TTLL5: variants seen among roughly 807,000 people sequenced by gnomAD.
The protein encoded by TTLL5 is tubulin tyrosine ligase like 5.
TTLL5 carries 132 observed loss-of-function variants against 168.4 expected under a neutral mutation model. The ratio of observed to expected loss-of-function variants is 0.78; its 90% CI spans 0.68 to 0.91. The LOEUF is 0.91. Ranked by LOEUF, TTLL5 falls within the 40% of genes least tolerant of loss-of-function variation. TTLL5 has a pLI of 0.00. For missense variants in TTLL5, 1,545 were observed against 1,581.5 expected, an observed-to-expected ratio of 0.98 and a Z score of 0.39; for synonymous variants, 546 against 558.6, an observed-to-expected ratio of 0.98 and a Z score of 0.32.
intron 26 of TTLL5, among the ~76,000 whole-genome samples, chr14:75,791,372 A>ATTCC: frequency 6.6e-6 from 1 of 152,182 alleles, no homozygotes; most frequent in Non-Finnish European, 1.5e-5. Flanking sequence ...AGGAAAATGA[A>ATTCC]TGACTTTCAG....
chr14:75,741,254 G>T (rs1223336364), intron 15 of TTLL5, among the ~76,000 whole-genome samples: 2 of 152,178 alleles, frequency 1.3e-5, no homozygotes, highest in African/African-American at 4.8e-5. Flanking sequence ...CAGAATTCTT[G>T]ACAGTAATTT....
At chr14:75,911,247 G>A (rs937470729) in intron 31 of TTLL5, among the ~76,000 whole-genome samples, 1 of 151,960 alleles carries the variant, frequency 6.6e-6, no homozygotes, top group African/African-American at 2.4e-5. Context: ...TGGCCCGGCT[G>A]GCCTCGAACT....
At chr14:75,949,920 A>G (rs889028031) in intron 31 of TTLL5, among the ~76,000 whole-genome samples, 3 of 151,936 alleles carry the variant, frequency 2.0e-5, no homozygotes, top group African/African-American at 7.3e-5. Context: ...TGATTTGTAT[A>G]TTTGAGAGGG....
At chr14:75,936,318 G>A (rs149195149) in intron 31 of TTLL5, among the ~76,000 whole-genome samples, 1 of 152,144 alleles carries the variant, frequency 6.6e-6, no homozygotes, top group South Asian at 2.1e-4. Context: ...AGATTAGAAT[G>A]GCCCTTGTCC....
intron 29 of TTLL5, among the ~76,000 whole-genome samples, chr14:75,864,415 T>TACAC (rs930513680): frequency 7.0e-4 from 106 of 152,312 alleles, no homozygotes; most frequent in African/African-American, 2.3e-3. Flanking sequence ...TTCTACTGTG[T>TACAC]ACTAGGCACT....
intron 28 of TTLL5, among the ~76,000 whole-genome samples, chr14:75,831,502 T>A (rs1003784695): frequency 3.3e-5 from 5 of 152,158 alleles, no homozygotes; most frequent in Non-Finnish European, 7.4e-5. Context: ...ACCCTCCCTC[T>A]ACTGCCCACA....
At chr14:75,760,187 T>C (rs1364277541) in intron 18 of TTLL5, among the ~76,000 whole-genome samples, 1 of 152,122 alleles carries the variant, frequency 6.6e-6, no homozygotes, top group East Asian at 1.9e-4. Flanking sequence ...GATTGTATCT[T>C]AATGTACTAG....
rs577254452 is a variant in TTLL5 at position 75,947,474 on chromosome 14, G to C, written c.3824-6950G>C. On this transcript the variant is annotated intron_variant, in intron 31 of 31. Transcript: ENST00000298832. ...TTTTCTCGTCAACTTACTTTAACTA[G>C]TATATTTAATGTTTTTTTCATTTAA... 3.5e-4 allele frequency among the ~76,000 whole-genome samples: 53 copies of C among 152,082 alleles called. No homozygotes were observed. The South Asian group carries it at 5.0e-3, about 14-fold the overall frequency.
chr14:75,843,975 C>T (rs1037887262), intron 28 of TTLL5, among the ~76,000 whole-genome samples: 7 of 151,612 alleles, frequency 4.6e-5, no homozygotes, highest in Non-Finnish European at 7.4e-5. Context: ...CTCACTGCAA[C>T]CACACCTCCC....
At chr14:75,680,972 C>G (rs1884565799) in intron 3 of TTLL5, among the ~76,000 whole-genome samples, 1 of 151,970 alleles carries the variant, frequency 6.6e-6, no homozygotes, top group Non-Finnish European at 1.5e-5. Context: ...ATCCCTTTGG[C>G]AGTCTGGAGA....
In TTLL5 at chr14:75,775,471, CT is replaced by C. The variant is rs1566599004; in HGVS notation, c.2137-10del. 2 of 1,611,790 alleles carry C rather than the reference CT, an allele frequency of 1.2e-6. No homozygotes were observed. The highest frequency in any genetic ancestry group is 3.3e-5 in the Admixed American group (2 of 59,726). On this transcript the variant is annotated splice_polypyrimidine_tract_variant and intron_variant, in intron 21 of 31. Transcript: ENST00000298832. ...CCTCCTTTTTTTTTCTCCCACGACT[CT>C]TTAATTTATAGGAGCTGGTTGTTCG...
At chr14:75,684,241 C>T (rs546508839) in intron 5 of TTLL5, 1 of 152,340 alleles carries the variant, frequency 6.6e-6, no homozygotes, top group Admixed American at 6.5e-5. Context: ...GGGAGTACCT[C>T]ATGAGGATGG....
chr14:75,693,154 C>T (rs1296935931), intron 6 of TTLL5, among the ~76,000 whole-genome samples: 1 of 152,034 alleles, frequency 6.6e-6, no homozygotes, highest in Admixed American at 6.6e-5. Context: ...AAGTTGATGA[C>T]CCAGATAACA....
At chr14:75,760,882 C>T (rs1890594275) in intron 18 of TTLL5, among the ~76,000 whole-genome samples, 1 of 151,986 alleles carries the variant, frequency 6.6e-6, no homozygotes, top group Non-Finnish European at 1.5e-5. Flanking sequence ...CAATAAAAAA[C>T]AAATAATGTT....
At chr14:75,787,321 C>T (rs962735310) in intron 26 of TTLL5, among the ~76,000 whole-genome samples, 2 of 151,912 alleles carry the variant, frequency 1.3e-5, no homozygotes, top group African/African-American at 4.8e-5. Context: ...AAAAGAAATA[C>T]GAGATGAGTA....
chr14:75,810,930 A>G (rs1566614078), intron 27 of TTLL5, among the ~76,000 whole-genome samples: 2 of 152,148 alleles, frequency 1.3e-5, no homozygotes, highest in African/African-American at 2.4e-5. Flanking sequence ...AGAGCAACAC[A>G]TCTCTCAACT....
chr14:75,734,657 T>G (rs143834067), intron 14 of TTLL5, among the ~76,000 whole-genome samples: 1 of 152,346 alleles, frequency 6.6e-6, no homozygotes, highest in African/African-American at 2.4e-5. Context: ...GGAATCTGCT[T>G]CTTTTTAGGA....
chr14:75,766,512 G>C, intron 20 of TTLL5, 144 bp downstream of exon 20: 1 of 885,490 alleles, frequency 1.1e-6, no homozygotes, highest in Non-Finnish European at 1.7e-6. Flanking sequence ...ATTAGATACT[G>C]TTATTATTAA....
chr14:75,840,212 G>A (rs1293800666), intron 28 of TTLL5, among the ~76,000 whole-genome samples: 1 of 152,166 alleles, frequency 6.6e-6, no homozygotes, highest in East Asian at 1.9e-4. Flanking sequence ...TTATGCTTGT[G>A]TCTTTCAGAC....
Sources: gnomAD v4.1 joint callset for allele counts (sites outside exome capture counted in the v4.1 genomes callset) on GRCh38, gnomAD v4.1.1 for gene constraint, MANE v1.5 for transcripts, NCBI Gene and HGNC (gene_info 2026-07-23, HGNC 2026-07-21) for gene names.